Variants in ASIC2 observed in about 807,000 individuals in gnomAD.
ASIC2 encodes the protein acid sensing ion channel subunit 2, also known as acid-sensing ion channel 2.
Under a neutral mutation model 57.3 loss-of-function variants are expected in ASIC2, and 25 were observed. The ratio of observed to expected loss-of-function variants is 0.44; its 90% CI spans 0.32 to 0.61. The LOEUF (loss-of-function observed/expected upper bound fraction) is 0.61. Among genes scored for constraint, ASIC2 ranks in the 20% least tolerant of loss-of-function variants. The pLI, the probability that ASIC2 is intolerant of heterozygous loss-of-function variation, is 0.06. For synonymous variants in ASIC2, 319 were observed against 307.5 expected (o/e 1.04, Z -0.39); for missense variants, 641 against 738.1 (o/e 0.87, Z 1.52).
intron 1 of ASIC2, among the ~76,000 whole-genome samples, chr17:34,032,773 TA>T (rs1907673744): frequency 6.6e-6 from 1 of 152,164 alleles, no homozygotes; most frequent in African/African-American, 2.4e-5. Context: ...AGAAGGCCAT[TA>T]CATAAAGGGA....
intron 1 of ASIC2, among the ~76,000 whole-genome samples, chr17:33,259,446 G>T (rs1431023820): frequency 2.0e-5 from 3 of 152,074 alleles, no homozygotes; most frequent in Non-Finnish European, 4.4e-5. Flanking sequence ...TAACTACTTG[G>T]TTCAGAAGTC....
At chr17:33,489,052 C>T (rs1221773600) in intron 1 of ASIC2, among the ~76,000 whole-genome samples, 1 of 152,148 alleles carries the variant, frequency 6.6e-6, no homozygotes, top group Non-Finnish European at 1.5e-5. Context: ...CCCTTCCAGC[C>T]TAAGAGAAGA....
intron 1 of ASIC2, among the ~76,000 whole-genome samples, chr17:34,092,063 C>T (rs1399431895): frequency 6.6e-6 from 1 of 152,010 alleles, no homozygotes; most frequent in Admixed American, 6.6e-5. Context: ...AAAAGAGATG[C>T]CAGGAAAGAA....
chr17:33,962,902 T>C (rs1454141702), intron 1 of ASIC2, among the ~76,000 whole-genome samples: 1 of 152,178 alleles, frequency 6.6e-6, no homozygotes, highest in Non-Finnish European at 1.5e-5. Context: ...GAAGCCTTCC[T>C]CAACAACTAC....
In ASIC2 at chr17:33,405,740, C is replaced by T. The variant is rs1597716827; in HGVS notation, c.556-293673G>A. On this transcript the variant is annotated intron_variant, in intron 1 of 9. Coordinates refer to the ASIC2 transcript ENST00000359872. ...CTGGTGATCCACCCGCCTTGGCCTC[C>T]CAAAGTGCTGGGATTACAGGCTTGA... 2.0e-5 allele frequency among the ~76,000 whole-genome samples: 3 copies of T among 152,154 alleles called. No individual in the cohort carries two copies. The Middle Eastern group carries it at 0.01, about 521-fold the overall frequency.
chr17:33,315,206 A>G (rs1055988428), intron 1 of ASIC2, among the ~76,000 whole-genome samples: 10 of 152,224 alleles, frequency 6.6e-5, no homozygotes, highest in Non-Finnish European at 1.5e-4. Context: ...TCTAGTGGGT[A>G]CTGAATGCAC....
chr17:33,913,255 A>C (rs2141960362), intron 1 of ASIC2, among the ~76,000 whole-genome samples: 1 of 152,298 alleles, frequency 6.6e-6, no homozygotes, highest in African/African-American at 2.4e-5. Flanking sequence ...ATTTTCAATA[A>C]ATGTTAGCTA....
At chr17:33,370,901 G>A (rs1046358925) in intron 1 of ASIC2, among the ~76,000 whole-genome samples, 19 of 152,174 alleles carry the variant, frequency 1.2e-4, no homozygotes, top group Middle Eastern at 3.2e-3. Context: ...AGTGCAAAGC[G>A]AAAGCAAGTT....
intron 1 of ASIC2, among the ~76,000 whole-genome samples, chr17:33,720,519 T>C (rs1192053161): frequency 6.6e-6 from 1 of 152,236 alleles, no homozygotes; most frequent in Non-Finnish European, 1.5e-5. Flanking sequence ...TTCATGAACA[T>C]ATGTCTTGAT....
intron 2 of ASIC2, among the ~76,000 whole-genome samples, chr17:33,095,711 T>C (rs1008993970): frequency 2.6e-5 from 4 of 152,136 alleles, no homozygotes; most frequent in African/African-American, 9.7e-5. Context: ...GGCTGACAAG[T>C]GCATGGGGGC....
chr17:33,946,846 C>T (rs1296438938), intron 1 of ASIC2, among the ~76,000 whole-genome samples: 1 of 152,098 alleles, frequency 6.6e-6, no homozygotes, highest in Admixed American at 6.6e-5. Flanking sequence ...GCCAGGAAAC[C>T]AGATTTGAAC....
chr17:33,630,767 G>T (rs1906140021), intron 1 of ASIC2, among the ~76,000 whole-genome samples: 1 of 152,168 alleles, frequency 6.6e-6, no homozygotes. Flanking sequence ...CAGTCACACT[G>T]CCTGGTCTAT....
chr17:33,732,770 T>C (rs1047523500), intron 1 of ASIC2, among the ~76,000 whole-genome samples: 2 of 152,202 alleles, frequency 1.3e-5, no homozygotes, highest in South Asian at 2.1e-4. Flanking sequence ...TCTGAGTAGC[T>C]GGGACTACAG....
intron 1 of ASIC2, among the ~76,000 whole-genome samples, chr17:34,031,212 G>T (rs1907596127): frequency 6.6e-6 from 1 of 152,208 alleles, no homozygotes; most frequent in African/African-American, 2.4e-5. Context: ...ACCAATATCT[G>T]CTGTTCTTCA....
At chr17:33,228,348 G>GA (rs1907962258) in intron 1 of ASIC2, among the ~76,000 whole-genome samples, 1 of 151,962 alleles carries the variant, frequency 6.6e-6, no homozygotes, top group African/African-American at 2.4e-5. Flanking sequence ...TATCACAATT[G>GA]AAAAAAAAGA....
At chr17:34,139,926 G>C (rs1383457797) in intron 1 of ASIC2, among the ~76,000 whole-genome samples, 1 of 152,178 alleles carries the variant, frequency 6.6e-6, no homozygotes, top group East Asian at 1.9e-4. Context: ...TTTCAACAAA[G>C]CTATTTTTAA....
intron 1 of ASIC2, among the ~76,000 whole-genome samples, chr17:33,567,468 G>A (rs1212909473): frequency 1.3e-5 from 2 of 152,176 alleles, no homozygotes; most frequent in African/African-American, 4.8e-5. Context: ...GGTATGAGAG[G>A]AGCAAGTGCC....
At chr17:33,896,526 G>A (rs1239318016) in intron 1 of ASIC2, among the ~76,000 whole-genome samples, 1 of 152,214 alleles carries the variant, frequency 6.6e-6, no homozygotes, top group South Asian at 2.1e-4. Flanking sequence ...GCTGATGGAG[G>A]AGGATGGGCA....
chr17:33,730,788 G>C (rs903793854), intron 1 of ASIC2, among the ~76,000 whole-genome samples: 1 of 152,150 alleles, frequency 6.6e-6, no homozygotes, highest in African/African-American at 2.4e-5. Flanking sequence ...GCACAAAGTA[G>C]GTGTCTATGT....
Sources: gnomAD v4.1 joint callset for allele counts (sites outside exome capture counted in the v4.1 genomes callset) on GRCh38, gnomAD v4.1.1 for gene constraint, MANE v1.5 for transcripts, NCBI Gene and HGNC (gene_info 2026-07-23, HGNC 2026-07-21) for gene names.